The following STRN3 variants were observed in gnomAD, a reference collection of about 807,000 sequenced individuals.
The protein encoded by STRN3 is striatin 3.
In STRN3, 29 loss-of-function variants were observed where a neutral mutation model predicts 95.6. The observed-to-expected ratio is 0.30, with a 90% CI of 0.23 to 0.41. The LOEUF is 0.41. Ranked by LOEUF, STRN3 falls within the 10% of genes least tolerant of loss-of-function variation. The pLI, the probability that STRN3 is intolerant of heterozygous loss-of-function variation, is 1.00. For synonymous variants in STRN3, 331 were observed against 357.6 expected (o/e 0.93, Z 0.84); for missense variants, 890 against 972.1 (o/e 0.92, Z 1.12).
At chr14:30,983,775 T>C (rs1184504852) in intron 1 of STRN3, among the ~76,000 whole-genome samples, 3 of 152,186 alleles carry the variant, frequency 2.0e-5, no homozygotes, top group African/African-American at 4.8e-5. Context: ...TTTATTACTA[T>C]AGTACTAAAT....
Position 30,966,404 on chromosome 14 carries a change from C to T in STRN3, c.283-10162G>A, listed in dbSNP as rs149536093. On this transcript the variant is annotated intron_variant, in intron 1 of 17. Transcript: ENST00000357479. The stretch of plus-strand genomic sequence containing the variant: ...AACTTTACATATAACAATGTGGGGG[C>T]TCATCCAGGATTACATTCCCCACCA... Among the ~76,000 whole-genome samples the T allele has an allele frequency of 5.7e-3, 875 of 152,262 alleles. 9 individuals carry two copies. Among genetic ancestry groups the T allele is most frequent in the African/African-American group, 0.02 (826 of 41,524 alleles).
At chr14:30,990,359 G>A (rs1881896389) in intron 1 of STRN3, among the ~76,000 whole-genome samples, 1 of 151,452 alleles carries the variant, frequency 6.6e-6, no homozygotes, top group South Asian at 2.1e-4. Context: ...TAGTAGAGAC[G>A]GGGTTTCACC....
intron 1 of STRN3, among the ~76,000 whole-genome samples, chr14:31,006,729 A>T (rs1325842573): frequency 2.0e-5 from 3 of 151,846 alleles, no homozygotes; most frequent in Non-Finnish European, 4.4e-5. Flanking sequence ...TTCAAATCAC[A>T]CATACAAAAA....
At chr14:30,983,558 T>A (rs528626924) in intron 1 of STRN3, among the ~76,000 whole-genome samples, 5 of 152,064 alleles carry the variant, frequency 3.3e-5, no homozygotes, top group Non-Finnish European at 7.4e-5. Flanking sequence ...AATAAATAAA[T>A]AAAATAAGGC....
At chr14:30,940,515 G>A (rs1418133226) in intron 5 of STRN3, among the ~76,000 whole-genome samples, 1 of 152,166 alleles carries the variant, frequency 6.6e-6, no homozygotes, top group East Asian at 1.9e-4. Flanking sequence ...AGCTTTGAAT[G>A]TTAATTTAAT....
Position 31,017,029 on chromosome 14 carries a change from C to T in STRN3, c.282+8875G>A, listed in dbSNP as rs1883269127. 2.0e-5 allele frequency among the ~76,000 whole-genome samples: 3 copies of T among 152,092 alleles called. No homozygotes were observed. In the South Asian group the frequency reaches 6.2e-4, roughly 32 times the overall value. On this transcript the variant is annotated intron_variant, in intron 1 of 17. Coordinates refer to ENST00000357479, the MANE Select transcript of STRN3 (RefSeq NM_001083893.2). ...AATTAGCCAGGTGTGGTGGCGGGTGCCTGTAGTCCTAGCTACTCAGGAGGC... is the reference window on the plus strand; with the variant it reads ...AATTAGCCAGGTGTGGTGGCGGGTGTCTGTAGTCCTAGCTACTCAGGAGGC...
At chr14:31,024,492 T>C (rs1470122532) in intron 1 of STRN3, among the ~76,000 whole-genome samples, 1 of 152,194 alleles carries the variant, frequency 6.6e-6, no homozygotes, top group East Asian at 1.9e-4. Flanking sequence ...CCCAATATTA[T>C]ATCAAAACAC....
chr14:30,961,172 CTAAAAA>C (rs1379152398), intron 1 of STRN3, among the ~76,000 whole-genome samples: 2 of 152,078 alleles, frequency 1.3e-5, no homozygotes, highest in Admixed American at 6.6e-5. Flanking sequence ...AGCCCTAAAA[CTAAAAA>C]TGTTTTTTAA....
At chr14:30,918,283 G>T (rs1044867105) in intron 9 of STRN3, among the ~76,000 whole-genome samples, 1 of 152,108 alleles carries the variant, frequency 6.6e-6, no homozygotes, top group Admixed American at 6.5e-5. Flanking sequence ...AAGGTAGGCA[G>T]ATCACTTGAG....
At chr14:30,960,316 C>T (rs1396915214) in intron 1 of STRN3, among the ~76,000 whole-genome samples, 1 of 152,054 alleles carries the variant, frequency 6.6e-6, no homozygotes, top group African/African-American at 2.4e-5. Context: ...CCAACCCGGG[C>T]AACAGAGTTT....
chr14:30,969,353 C>T (rs1165635396), intron 1 of STRN3, among the ~76,000 whole-genome samples: 5 of 151,920 alleles, frequency 3.3e-5, no homozygotes, highest in African/African-American at 9.7e-5. Context: ...AGGAGAATGG[C>T]GTGAACCCGG....
At chr14:30,976,396 A>T (rs1881106084) in intron 1 of STRN3, among the ~76,000 whole-genome samples, 1 of 152,218 alleles carries the variant, frequency 6.6e-6, no homozygotes, top group Admixed American at 6.5e-5. Flanking sequence ...AGAAGCAAAA[A>T]TTGAGAAATA....
chr14:30,908,436 ATTATATTGCT>A (rs1378926475), intron 13 of STRN3, among the ~76,000 whole-genome samples: 8 of 152,184 alleles, frequency 5.3e-5, no homozygotes, highest in African/African-American at 9.7e-5. Flanking sequence ...TGTTGTTCCC[ATTATATTGCT>A]TTTCATCCAT....
At chr14:30,976,613 T>C (rs1399466672) in intron 1 of STRN3, among the ~76,000 whole-genome samples, 2 of 152,188 alleles carry the variant, frequency 1.3e-5, no homozygotes, top group African/African-American at 4.8e-5. Context: ...AAGAAAAACA[T>C]TTTGGACCAT....
chr14:31,013,901 T>TTGAGACAGAGTGTC (rs1566493316), intron 1 of STRN3, among the ~76,000 whole-genome samples: 5 of 126,476 alleles, frequency 4.0e-5, no homozygotes, highest in Admixed American at 7.7e-5. Context: ...TTATTATTAT[T>TTGAGACAGAGTGTC]ATTATTATTA....
intron 1 of STRN3, among the ~76,000 whole-genome samples, chr14:31,006,233 C>A (rs1348716827): frequency 6.6e-6 from 1 of 151,894 alleles, no homozygotes; most frequent in Non-Finnish European, 1.5e-5. Flanking sequence ...TCAAAAAATT[C>A]CATTATATAA....
chr14:31,018,571 G>C, intron 1 of STRN3: 1 of 479,516 alleles, frequency 2.1e-6, no homozygotes, highest in South Asian at 1.5e-5. Flanking sequence ...TTGATGAGTT[G>C]AACAAGCTGT....
intron 1 of STRN3, among the ~76,000 whole-genome samples, chr14:30,976,391 CAAA>C (rs1881105965): frequency 6.6e-6 from 1 of 152,060 alleles, no homozygotes; most frequent in Admixed American, 6.6e-5. Flanking sequence ...ATAGGAGAAG[CAAA>C]AATTGAGAAA....
intron 7 of STRN3, among the ~76,000 whole-genome samples, chr14:30,929,967 A>AAAAAAAAAAAAAAAAAAAAAAAAAC (rs1555317336): frequency 9.5e-4 from 87 of 91,202 alleles, no homozygotes; most frequent in Non-Finnish European, 1.4e-3. Context: ...AAAAAAAAAA[A>AAAAAAAAAAAAAAAAAAAAAAAAAC]AAAAAAAAAA....
Sources: gnomAD v4.1 joint callset for allele counts (sites outside exome capture counted in the v4.1 genomes callset) on GRCh38, gnomAD v4.1.1 for gene constraint, MANE v1.5 for transcripts, NCBI Gene and HGNC (gene_info 2026-07-23, HGNC 2026-07-21) for gene names.